Variants in FAM13A observed in about 807,000 individuals in gnomAD.
FAM13A encodes family with sequence similarity 13 member A.
In FAM13A, 76 loss-of-function variants were observed where a neutral mutation model predicts 129.6. That is an observed-to-expected ratio of 0.59 (90% CI 0.49 to 0.71). The LOEUF is 0.71. Ranked by LOEUF, FAM13A falls within the 30% of genes least tolerant of loss-of-function variation. The pLI is 0.00. For synonymous variants in FAM13A, 443 were observed against 449.9 expected, an observed-to-expected ratio of 0.98 and a Z score of 0.20; for missense variants, 1,108 against 1,249.3, an observed-to-expected ratio of 0.89 and a Z score of 1.70.
rs1198606677 is a variant in FAM13A at position 88,749,792 on chromosome 4, G to A, written c.2058C>T (p.Phe686=). Residue 686 remains phenylalanine, a synonymous_variant, in exon 16 of 24, where the codon TTC becomes TTT. Transcript: ENST00000264344. ...KKKIRKFEDR[F]EEEKKYRPSH... ...TTACTCTGTACTTCTTCTCTTCTTCGAATCTATCTTCAAACTTCCGGATCT... is the reference window on the plus strand; with the variant it reads ...TTACTCTGTACTTCTTCTCTTCTTCAAATCTATCTTCAAACTTCCGGATCT... The A allele has an allele frequency of 8.7e-6, 14 of 1,613,962 alleles. No homozygotes were observed. The highest frequency in any genetic ancestry group is 4.5e-5 in the East Asian group (2 of 44,892).
At chr4:88,969,325 G>A (rs747536291) in intron 4 of FAM13A, among the ~76,000 whole-genome samples, 2 of 152,190 alleles carry the variant, frequency 1.3e-5, no homozygotes, top group Non-Finnish European at 2.9e-5. Context: ...TGGCAAAGAT[G>A]GGACTGAAGT....
chr4:88,757,565 A>G (rs1743933827), intron 14 of FAM13A, among the ~76,000 whole-genome samples: 1 of 152,216 alleles, frequency 6.6e-6, no homozygotes. Context: ...TTACAAATTA[A>G]ACAACCCTGC....
chr4:88,892,173 C>CTTTTTTTTTTTT (rs1183640454), intron 6 of FAM13A, among the ~76,000 whole-genome samples: 1 of 67,906 alleles, frequency 1.5e-5, no homozygotes, highest in Non-Finnish European at 2.7e-5. Flanking sequence ...AAGATCCTGT[C>CTTTTTTTTTTTT]TTTTTTTTTT....
chr4:89,000,299 A>G (rs1379945370), intron 3 of FAM13A, among the ~76,000 whole-genome samples: 1 of 152,240 alleles, frequency 6.6e-6, no homozygotes, highest in African/African-American at 2.4e-5. Flanking sequence ...ACATGAATGG[A>G]TAAGTAAAAT....
chr4:88,755,211 T>C (rs1395152264), intron 14 of FAM13A, among the ~76,000 whole-genome samples: 1 of 152,092 alleles, frequency 6.6e-6, no homozygotes, highest in Non-Finnish European at 1.5e-5. Flanking sequence ...GAGCCACCCA[T>C]GGCCATTCGG....
chr4:88,772,943 ATATAAGT>A (rs1205127702), intron 11 of FAM13A, among the ~76,000 whole-genome samples: 3 of 152,214 alleles, frequency 2.0e-5, no homozygotes, highest in Admixed American at 6.5e-5. Flanking sequence ...GAGGAGACTG[ATATAAGT>A]TAGAAGAGTA....
At chr4:88,808,093 C>A (rs368341321) in intron 7 of FAM13A, among the ~76,000 whole-genome samples, 2 of 152,216 alleles carry the variant, frequency 1.3e-5, no homozygotes, top group East Asian at 1.9e-4. Context: ...GTAAATAAAT[C>A]AATTTTTATT....
rs144230629 is a variant in FAM13A, at chr4:88,762,367, T to C, written c.1579-3466A>G. ...GGCACAGCAGTGGAGAGATCCCTCC[T>C]ACACAAACCTACACCAGCTGGCACA... On this transcript the variant is annotated intron_variant, in intron 13 of 23. Transcript: ENST00000264344. Among the ~76,000 whole-genome samples the C allele has an allele frequency of 1.3e-4, 20 of 152,232 alleles. 1 individual carries two copies. The East Asian group carries it at 3.7e-3, about 28-fold the overall frequency.
chr4:88,964,912 G>A (rs950046044), intron 4 of FAM13A, among the ~76,000 whole-genome samples: 8 of 152,046 alleles, frequency 5.3e-5, no homozygotes, highest in African/African-American at 1.7e-4. Context: ...ACAGGCGTGA[G>A]ATACCGCGCC....
chr4:89,009,778 T>G (rs145692112), intron 3 of FAM13A, among the ~76,000 whole-genome samples: 1,887 of 152,288 alleles, frequency 0.012, 43 homozygotes, highest in African/African-American at 0.042. Flanking sequence ...GACAAACCAG[T>G]CCAGGGAGAG....
At chr4:88,958,070 G>GAA (rs34095133) in intron 4 of FAM13A, among the ~76,000 whole-genome samples, 1 of 144,918 alleles carries the variant, frequency 6.9e-6, no homozygotes, top group African/African-American at 2.5e-5. Flanking sequence ...GCGTCAGAGG[G>GAA]AAAAAAAAAA....
At chr4:88,808,897 A>G (rs1729097059) in intron 7 of FAM13A, among the ~76,000 whole-genome samples, 1 of 152,166 alleles carries the variant, frequency 6.6e-6, no homozygotes, top group Admixed American at 6.6e-5. Context: ...TTGTAGGAAG[A>G]ACATTTATCA....
rs116838216 is a variant in FAM13A, at chr4:88,805,725, C to A, written c.1008-673G>T. On this transcript the variant is annotated intron_variant, in intron 7 of 23. Transcript: ENST00000264344. ...ACTCTGTTGGCCAGGCTAGAGTGCA[C>A]TGGTACAATCATGGTTCACTGTAGC... is the stretch of plus-strand genomic sequence containing the variant. Among the ~76,000 whole-genome samples the A allele has an allele frequency of 5.2e-3, 788 of 151,878 alleles. 8 individuals carry two copies. Among genetic ancestry groups the A allele is most frequent in the African/African-American group, 0.018 (757 of 41,398 alleles).
chr4:89,044,680 G>A (rs185335633), intron 1 of FAM13A, among the ~76,000 whole-genome samples: 32 of 152,080 alleles, frequency 2.1e-4, no homozygotes, highest in South Asian at 1.2e-3. Flanking sequence ...AAATTGTTTC[G>A]CAACAGATGA....
chr4:88,766,934 A>C (rs1745808059), intron 13 of FAM13A, among the ~76,000 whole-genome samples: 1 of 152,234 alleles, frequency 6.6e-6, no homozygotes, highest in African/African-American at 2.4e-5. Flanking sequence ...ATGAATTAAA[A>C]ATGATGCTCA....
chr4:89,051,230 TCA>T (rs1771552374), intron 1 of FAM13A, among the ~76,000 whole-genome samples: 1 of 152,180 alleles, frequency 6.6e-6, no homozygotes, highest in African/African-American at 2.4e-5. Context: ...ACCTACAGAT[TCA>T]GTGTCTAATG....
chr4:88,913,730 C>T (rs546144289), intron 5 of FAM13A, among the ~76,000 whole-genome samples: 2 of 152,100 alleles, frequency 1.3e-5, no homozygotes, highest in Non-Finnish European at 2.9e-5. Flanking sequence ...TACAGAGAAG[C>T]CTTCTTTTCC....
At chr4:88,729,825 A>T (rs990408547) in intron 23 of FAM13A, 11 of 152,228 alleles carry the variant, frequency 7.2e-5, no homozygotes, top group Non-Finnish European at 1.3e-4. Context: ...AGAATAATAT[A>T]AAAAAGGATA....
rs1768422578 is a variant in FAM13A, at chr4:89,029,608, CT to C, written c.68del (p.Lys23ArgfsTer2). 1 of 1,583,628 alleles carries C rather than the reference CT, an allele frequency of 6.3e-7. No homozygotes were observed. Among genetic ancestry groups the C allele is most frequent in the South Asian group, 1.2e-5 (1 of 85,482 alleles). ...AAVRLKEDMK[K>X]IVAVPLNEQK... is the part of the protein sequence containing the mutation. ...GTTCATTTAATGGCACTGCCACTAT[CT>C]TTTTCATGTCTTCTTTCAGCCGAAC... On this transcript the variant is annotated frameshift_variant, in exon 2 of 24. Coordinates refer to ENST00000264344, the MANE Select transcript of FAM13A (RefSeq NM_014883.4). LOFTEE classifies it high-confidence loss of function.
Sources: gnomAD v4.1 joint callset for allele counts (sites outside exome capture counted in the v4.1 genomes callset) on GRCh38, gnomAD v4.1.1 for gene constraint, MANE v1.5 for transcripts, NCBI Gene and HGNC (gene_info 2026-07-23, HGNC 2026-07-21) for gene names.